The following SLC35F3 variants were observed in gnomAD, a reference collection of about 807,000 sequenced individuals.
SLC35F3 encodes solute carrier family 35 member F3.
A neutral mutation model predicts 49.9 loss-of-function variants in SLC35F3; 25 were observed. That is an observed-to-expected ratio of 0.50 (90% CI 0.37 to 0.70). The LOEUF (loss-of-function observed/expected upper bound fraction) is 0.70, where lower values mean the gene tolerates loss of function less well. Ranked by LOEUF, SLC35F3 falls within the 30% of genes least tolerant of loss-of-function variation. SLC35F3 has a pLI of 0.00. For missense variants in SLC35F3, 525 were observed against 639.8 expected, an observed-to-expected ratio of 0.82 and a Z score of 1.94; for synonymous variants, 275 against 265.4, an observed-to-expected ratio of 1.04 and a Z score of -0.35.
chr1:234,016,004 C>G (rs1014882231), intron 2 of SLC35F3, among the ~76,000 whole-genome samples: 8 of 152,148 alleles, frequency 5.3e-5, no homozygotes, highest in Admixed American at 3.9e-4. Context: ...ATAGACATTT[C>G]TCCAAAAAAG....
At chr1:234,213,428 A>G (rs1185654050) in intron 2 of SLC35F3, 1 of 152,318 alleles carries the variant, frequency 6.6e-6, no homozygotes, top group Admixed American at 6.5e-5. Context: ...CTGGGGCTGC[A>G]TGAGCCCTGT....
At chr1:234,157,906 A>G (rs6586371) in intron 2 of SLC35F3, among the ~76,000 whole-genome samples, 53,425 of 152,034 alleles carry the variant, frequency 0.35, 16,893 homozygotes, top group East Asian at 0.85. Flanking sequence ...TTCTTTTGGT[A>G]CATACGTCAA....
intron 2 of SLC35F3, among the ~76,000 whole-genome samples, chr1:234,077,064 G>A (rs931061273): frequency 2.7e-5 from 4 of 146,730 alleles, no homozygotes; most frequent in Non-Finnish European, 5.9e-5. Flanking sequence ...GACTGCAGTG[G>A]CGCAATCTCG....
chr1:234,173,373 G>C (rs947191720), intron 2 of SLC35F3, among the ~76,000 whole-genome samples: 1 of 152,222 alleles, frequency 6.6e-6, no homozygotes, highest in African/African-American at 2.4e-5. Context: ...TGTGAGGAGC[G>C]AGAGGCCCAG....
intron 3 of SLC35F3, among the ~76,000 whole-genome samples, chr1:234,248,941 T>C (rs1340398267): frequency 6.6e-6 from 1 of 152,188 alleles, no homozygotes; most frequent in Non-Finnish European, 1.5e-5. Flanking sequence ...TGAGGGATCC[T>C]CCAGGTTTCT....
Position 234,214,164 on chromosome 1 carries a change from G to T in SLC35F3, c.284-17253G>T, listed in dbSNP as rs1667079614. 1.9e-6 allele frequency: 2 copies of T among 1,073,840 alleles called. No homozygotes were observed. The highest frequency in any genetic ancestry group is 1.3e-4 in the East Asian group (2 of 15,254). 66.5% of individuals were successfully genotyped at this position (1,073,840 alleles called of 1,614,324 possible). A position where few individuals can be genotyped will look rare whatever the true frequency, so the allele number is the denominator to read the frequency against. The stretch of plus-strand genomic sequence containing the variant: ...CGGGGCTGGGCGTCCCGGGGAGGAG[G>T]GCGGAGCAGGTGAGCTGCGGGGTGG... On this transcript the variant is annotated intron_variant, in intron 2 of 7. Coordinates refer to ENST00000366618, the MANE Select transcript of SLC35F3 (RefSeq NM_173508.4). This position sits in a 1 kb window ranked among gnomAD's most constrained non-coding sequence, Gnocchi z 8.0.
intron 2 of SLC35F3, among the ~76,000 whole-genome samples, chr1:234,075,620 G>T (rs1664779894): frequency 6.6e-6 from 1 of 152,190 alleles, no homozygotes; most frequent in Admixed American, 6.5e-5. Flanking sequence ...TATGCACACT[G>T]TAGAGCAGTC....
intron 3 of SLC35F3, among the ~76,000 whole-genome samples, chr1:234,268,194 T>G (rs1395102843): frequency 1.3e-5 from 2 of 152,174 alleles, no homozygotes; most frequent in Non-Finnish European, 2.9e-5. Flanking sequence ...AGACTCCGTC[T>G]GCAATCCCGG....
chr1:234,202,748 TAACAA>T (rs1666917390), intron 2 of SLC35F3, among the ~76,000 whole-genome samples: 1 of 152,136 alleles, frequency 6.6e-6, no homozygotes. Context: ...CTAAGACAGA[TAACAA>T]TACAATAGCC....
Position 234,231,571 on chromosome 1 carries a change from C to T in SLC35F3, c.438C>T (p.Cys146=). ...FWGVAVVLCV[C]SSWAGSTQLA... ...GCGTGGCGGTCGTGCTGTGCGTGTG[C>T]TCCTCGTGGGCGGGCTCCACGCAGC... is the stretch of plus-strand genomic sequence containing the variant. Residue 146 remains cysteine, a synonymous_variant, in exon 3 of 8, where the codon TGC becomes TGT. Coordinates refer to ENST00000366618, the MANE Select transcript of SLC35F3 (RefSeq NM_173508.4). This position sits in a 1 kb window ranked among gnomAD's most constrained non-coding sequence, Gnocchi z 5.4. The T allele has an allele frequency of 1.9e-6, 3 of 1,614,180 alleles. No homozygotes were observed. The highest frequency in any genetic ancestry group is 1.7e-6 in the Non-Finnish European group (2 of 1,180,014).
intron 2 of SLC35F3, among the ~76,000 whole-genome samples, chr1:233,909,184 G>T (rs530251176): frequency 6.6e-6 from 1 of 152,128 alleles, no homozygotes; most frequent in Non-Finnish European, 1.5e-5. Flanking sequence ...AATCCCAAAG[G>T]CTCCTGGGTC....
intron 2 of SLC35F3, among the ~76,000 whole-genome samples, chr1:234,129,739 A>G (rs1558237217): frequency 6.6e-6 from 1 of 152,252 alleles, no homozygotes; most frequent in Non-Finnish European, 1.5e-5. Flanking sequence ...ATAGAAAAGA[A>G]TACAGCATTC....
chr1:233,976,132 A>G (rs1164436091), intron 2 of SLC35F3, among the ~76,000 whole-genome samples: 4 of 152,170 alleles, frequency 2.6e-5, no homozygotes, highest in African/African-American at 9.7e-5. Flanking sequence ...GAGGAGACAA[A>G]TTTTTAAGAA....
At chr1:233,983,540 A>C (rs1461427593) in intron 2 of SLC35F3, among the ~76,000 whole-genome samples, 1 of 152,248 alleles carries the variant, frequency 6.6e-6, no homozygotes, top group Non-Finnish European at 1.5e-5. Flanking sequence ...TTTCTGTTTA[A>C]CTTTTATCCT....
intron 2 of SLC35F3, among the ~76,000 whole-genome samples, chr1:234,005,109 G>A (rs956891198): frequency 1.3e-5 from 2 of 151,842 alleles, no homozygotes; most frequent in Non-Finnish European, 2.9e-5. Flanking sequence ...TTTATTACTC[G>A]TTGATTCCTT....
At chr1:234,269,968 T>C (rs1668072347) in intron 3 of SLC35F3, among the ~76,000 whole-genome samples, 1 of 152,184 alleles carries the variant, frequency 6.6e-6, no homozygotes, top group African/African-American at 2.4e-5. Context: ...CTGCAAACCA[T>C]GAGCTAAACA....
intron 4 of SLC35F3, among the ~76,000 whole-genome samples, chr1:234,315,810 G>A (rs1657476947): frequency 6.6e-6 from 1 of 152,194 alleles, no homozygotes; most frequent in African/African-American, 2.4e-5. Context: ...CCTCAGATCA[G>A]TCCTTGTATT....
chr1:234,170,367 T>A (rs1322141961), intron 2 of SLC35F3, among the ~76,000 whole-genome samples: 2 of 151,970 alleles, frequency 1.3e-5, no homozygotes, highest in Non-Finnish European at 2.9e-5. Flanking sequence ...GTTATTTCTG[T>A]CTCACTGTGC....
At chr1:234,011,807 C>T (rs1310913620) in intron 2 of SLC35F3, among the ~76,000 whole-genome samples, 1 of 152,106 alleles carries the variant, frequency 6.6e-6, no homozygotes, top group Non-Finnish European at 1.5e-5. Context: ...AACATTGGAG[C>T]ACTGAAGGGG....
Sources: allele counts gnomAD v4.1 joint callset (sites outside exome capture counted in the v4.1 genomes callset), GRCh38; gene constraint gnomAD v4.1.1; non-coding constraint Gnocchi (gnomAD v3.1); transcripts MANE v1.5; gene names NCBI Gene and HGNC (gene_info 2026-07-23, HGNC 2026-07-21).